CNTN5: variants seen among roughly 807,000 people sequenced by gnomAD.
The protein encoded by CNTN5 is contactin-5.
Under a neutral mutation model 129.1 loss-of-function variants are expected in CNTN5, and 77 were observed. The observed-to-expected ratio is 0.60, with a 90% CI of 0.50 to 0.72. CNTN5 has a LOEUF of 0.72. Ranked by LOEUF, CNTN5 falls within the 30% of genes least tolerant of loss-of-function variation. The pLI is 0.00. For synonymous variants in CNTN5, 509 were observed against 465.6 expected, an observed-to-expected ratio of 1.09 and a Z score of -1.20; for missense variants, 1,478 against 1,328.8, an observed-to-expected ratio of 1.11 and a Z score of -1.75.
At chr11:99,946,316 C>T (rs1035779939) in intron 7 of CNTN5, among the ~76,000 whole-genome samples, 6 of 151,860 alleles carry the variant, frequency 4.0e-5, no homozygotes, top group African/African-American at 7.3e-5. Flanking sequence ...AAAATATCAC[C>T]GAGTCAATCA....
chr11:99,127,950 T>G (rs1321181868), intron 1 of CNTN5, among the ~76,000 whole-genome samples: 3 of 152,202 alleles, frequency 2.0e-5, no homozygotes, highest in Admixed American at 1.3e-4. Flanking sequence ...GCTTAGAAGG[T>G]GTTAATAGTT....
chr11:99,346,141 A>C (rs1356032713), intron 2 of CNTN5, among the ~76,000 whole-genome samples: 3 of 152,094 alleles, frequency 2.0e-5, no homozygotes, highest in African/African-American at 7.2e-5. Context: ...TTCACTCCAC[A>C]TTATGTCATA....
intron 2 of CNTN5, among the ~76,000 whole-genome samples, chr11:99,552,995 A>T (rs980382624): frequency 3.9e-5 from 6 of 152,182 alleles, no homozygotes; most frequent in Non-Finnish European, 8.8e-5. Context: ...ACATGCAGTC[A>T]ACCTCACAAT....
chr11:99,946,078 A>G (rs529158967), intron 7 of CNTN5, among the ~76,000 whole-genome samples: 1 of 152,250 alleles, frequency 6.6e-6, no homozygotes, highest in Admixed American at 6.5e-5. Context: ...GATCCCCACC[A>G]ATCAGTATCT....
chr11:100,063,127 G>C (rs1449889415), intron 10 of CNTN5, among the ~76,000 whole-genome samples: 2 of 152,106 alleles, frequency 1.3e-5, no homozygotes, highest in African/African-American at 4.8e-5. Flanking sequence ...AATAGAATTA[G>C]ATTGTATGTT....
At chr11:99,957,676 T>A (rs988700364) in intron 8 of CNTN5, among the ~76,000 whole-genome samples, 17 of 150,844 alleles carry the variant, frequency 1.1e-4, no homozygotes, top group Non-Finnish European at 2.5e-4. Flanking sequence ...CAGCAAAAAA[T>A]CTATGAAGGC....
chr11:99,449,637 C>A (rs1309201866), intron 2 of CNTN5, among the ~76,000 whole-genome samples: 2 of 152,122 alleles, frequency 1.3e-5, no homozygotes, highest in Non-Finnish European at 2.9e-5. Context: ...CCTACATGGA[C>A]TCACTGATGT....
At chr11:99,418,438 G>C (rs1475168680) in intron 2 of CNTN5, among the ~76,000 whole-genome samples, 1 of 152,140 alleles carries the variant, frequency 6.6e-6, no homozygotes, top group Non-Finnish European at 1.5e-5. Flanking sequence ...GGAAAGAAGA[G>C]GGTGTTAAAA....
At chr11:99,362,257 T>C (rs1213744008) in intron 2 of CNTN5, among the ~76,000 whole-genome samples, 1 of 152,124 alleles carries the variant, frequency 6.6e-6, no homozygotes, top group African/African-American at 2.4e-5. Flanking sequence ...GCTTTTCATA[T>C]GCTGCTGATT....
intron 4 of CNTN5, among the ~76,000 whole-genome samples, chr11:99,837,074 C>T (rs1473696003): frequency 2.0e-5 from 3 of 152,142 alleles, no homozygotes; most frequent in East Asian, 1.9e-4. Flanking sequence ...TTGTGCTTAC[C>T]TCCTGTCTTA....
chr11:99,384,013 G>T (rs1194350598), intron 2 of CNTN5, among the ~76,000 whole-genome samples: 1 of 152,130 alleles, frequency 6.6e-6, no homozygotes, highest in Non-Finnish European at 1.5e-5. Context: ...AAGTTCCACG[G>T]GTGATAAAAC....
At chr11:99,492,410 C>T (rs1432609756) in intron 2 of CNTN5, among the ~76,000 whole-genome samples, 1 of 152,106 alleles carries the variant, frequency 6.6e-6, no homozygotes, top group Non-Finnish European at 1.5e-5. Flanking sequence ...CTCAGGAATC[C>T]AAGCTCATGT....
chr11:99,889,327 TGTG>T (rs1565642773), intron 6 of CNTN5, among the ~76,000 whole-genome samples: 2,917 of 76,264 alleles, frequency 0.038, 140 homozygotes, highest in African/African-American at 0.19. Flanking sequence ...TGTGTGTGTG[TGTG>T]TGTGTGTGTG....
At chr11:99,099,549 TACACAC>T (rs57981357) in intron 1 of CNTN5, among the ~76,000 whole-genome samples, 13,927 of 149,474 alleles carry the variant, frequency 0.093, 1,506 homozygotes, top group African/African-American at 0.27. Context: ...ATAATGTGTA[TACACAC>T]ACACACACAC....
rs566161940 is a variant in CNTN5, at chr11:100,202,535, ATATATATTTATATT to A, written c.1884+8887_1884+8900del. On this transcript the variant is annotated intron_variant, in intron 15 of 24. Transcript: ENST00000524871. ...GAAAACATATTTCTATTAAATATAG[ATATATATTTATATT>A]TATATATTTATATTAAAAGCAGCCG... 1.9e-3 allele frequency among the ~76,000 whole-genome samples: 289 copies of A among 149,810 alleles called. 1 individual carries two copies. Among genetic ancestry groups the A allele is most frequent in the African/African-American group, 6.5e-3 (266 of 41,132 alleles).
intron 7 of CNTN5, among the ~76,000 whole-genome samples, chr11:99,950,403 C>G (rs1950645516): frequency 6.6e-6 from 1 of 152,178 alleles, no homozygotes; most frequent in Non-Finnish European, 1.5e-5. Flanking sequence ...ATGGCGTGAA[C>G]CTGGTAGGCG....
At chr11:99,497,719 A>T (rs7931623) in intron 2 of CNTN5, among the ~76,000 whole-genome samples, 1 of 151,988 alleles carries the variant, frequency 6.6e-6, no homozygotes, top group Non-Finnish European at 1.5e-5. Flanking sequence ...ACTTCTTCCT[A>T]CCACTGTAAA....
intron 3 of CNTN5, among the ~76,000 whole-genome samples, chr11:99,811,087 A>G (rs886821642): frequency 6.6e-6 from 1 of 152,150 alleles, no homozygotes; most frequent in Admixed American, 6.6e-5. Context: ...ATTTATATGA[A>G]TATCTGTCAT....
At chr11:99,063,507 C>CATAA (rs67049549) in intron 1 of CNTN5, among the ~76,000 whole-genome samples, 6,379 of 148,648 alleles carry the variant, frequency 0.043, 186 homozygotes, top group African/African-American at 0.081. Flanking sequence ...ACTGAAAACT[C>CATAA]ATAAATAAAT....
Sources: gnomAD v4.1 joint callset for allele counts (sites outside exome capture counted in the v4.1 genomes callset) on GRCh38, gnomAD v4.1.1 for gene constraint, MANE v1.5 for transcripts, NCBI Gene and HGNC (gene_info 2026-07-23, HGNC 2026-07-21) for gene names.